WDR64: variants seen among roughly 807,000 people sequenced by gnomAD.
WDR64 encodes the protein WD repeat-containing protein 64.
A neutral mutation model predicts 139.3 loss-of-function variants in WDR64; 112 were observed. The observed-to-expected ratio is 0.80, with a 90% CI of 0.69 to 0.94. The LOEUF is 0.94. Among genes scored for constraint, WDR64 ranks in the 40% least tolerant of loss-of-function variants. The probability of loss-of-function intolerance (pLI) is 0.00; values close to 1 mark genes in which losing one functional copy is unlikely to be tolerated. For missense variants in WDR64, 1,206 were observed against 1,293.1 expected (o/e 0.93, Z 1.03); for synonymous variants, 444 against 437.7 (o/e 1.01, Z -0.18).
chr1:241,801,021 T>C (rs1659508393), intron 27 of WDR64, 111 bp from the exon 28 acceptor site: 1 of 804,090 alleles, frequency 1.2e-6, no homozygotes, highest in South Asian at 1.8e-5. Context: ...ATTCATTTTT[T>C]TTCTAGGAGG....
At position 241,757,397 on chromosome 1, in the gene WDR64, A is replaced by G. The variant is rs772080131; in HGVS notation, c.1885A>G (p.Met629Val). The change falls in exon 15 of 28, where the codon ATG (methionine) becomes GTG (valine). Residue 629 changes from methionine (M) to valine (V), a missense_variant. Met to Val is a conservative substitution (Grantham distance 21, BLOSUM62 1). Coordinates refer to ENST00000437684, the MANE Select transcript of WDR64 (RefSeq NM_001367482.1). The stretch of plus-strand genomic sequence containing the variant: ...GAGAATGTCTACTAGAGACAGGAAC[A>G]TGGCTATTCCTTTCCCAGATGTCGA... ...HLRMSTRDRN[M>V]AIPFPDVELI... 3.7e-6 allele frequency: 6 copies of G among 1,613,930 alleles called. No homozygotes were observed. The African/African-American group carries it at 5.3e-5, about 14-fold the overall frequency.
intron 14 of WDR64, among the ~76,000 whole-genome samples, chr1:241,754,320 C>CTTTTTTT (rs71174845): frequency 2.9e-3 from 238 of 81,826 alleles, no homozygotes; most frequent in Non-Finnish European, 3.4e-3. Context: ...TTTTCTTTTT[C>CTTTTTTT]TTTTTTTTTT....
intron 8 of WDR64, among the ~76,000 whole-genome samples, chr1:241,695,570 A>C (rs899032202): frequency 1.1e-4 from 17 of 152,226 alleles, no homozygotes; most frequent in Non-Finnish European, 1.5e-4. Flanking sequence ...AGAAGTTAAG[A>C]AAAGGGAGTA....
chr1:241,654,956 C>A (rs2148047610), intron 1 of WDR64, among the ~76,000 whole-genome samples: 1 of 152,070 alleles, frequency 6.6e-6, no homozygotes, highest in Middle Eastern at 3.4e-3. Context: ...TGTAAATATC[C>A]CAAAATCTGA....
intron 7 of WDR64, 105 bp downstream of exon 7, chr1:241,683,806 A>G (rs1666909732): frequency 1.0e-6 from 1 of 988,298 alleles, no homozygotes; most frequent in Admixed American, 3.0e-5. Context: ...ACAGAAAATA[A>G]GAAATTAAGA....
At chr1:241,675,193 CCCAACTTCCCTCCCTT>C (rs1666485650) in intron 4 of WDR64, among the ~76,000 whole-genome samples, 1 of 68,268 alleles carries the variant, frequency 1.5e-5, no homozygotes, top group Admixed American at 1.5e-4. Flanking sequence ...TTTCCTTCCT[CCCAACTTCCCTCCCTT>C]CCTCCCTCCC....
chr1:241,782,527 A>T (rs1031014796), intron 22 of WDR64, among the ~76,000 whole-genome samples: 4 of 152,020 alleles, frequency 2.6e-5, no homozygotes, highest in Non-Finnish European at 5.9e-5. Context: ...AGTGATAAAG[A>T]GGGAATATAC....
intron 4 of WDR64, chr1:241,677,317 C>T (rs1053725855): frequency 2.5e-6 from 1 of 398,436 alleles, no homozygotes; most frequent in East Asian, 3.6e-5. Flanking sequence ...TTTCTTACAG[C>T]GATGTATTTT....
chr1:241,770,967 A>G (rs1658405659), intron 18 of WDR64, among the ~76,000 whole-genome samples: 1 of 152,204 alleles, frequency 6.6e-6, no homozygotes, highest in Non-Finnish European at 1.5e-5. Context: ...TAAATTATGC[A>G]TGTTATTTTG....
intron 2 of WDR64, among the ~76,000 whole-genome samples, chr1:241,663,059 T>C (rs1665891841): frequency 6.6e-6 from 1 of 152,142 alleles, no homozygotes; most frequent in Admixed American, 6.5e-5. Context: ...ATAATTTCCA[T>C]GAACACCAGC....
Position 241,687,510 on chromosome 1 carries a change from T to C in WDR64, c.889T>C (p.Ser297Pro). ...CTGGGTTATGAAAATTAGATATATT[T>C]CAGCCCTAAATTGTTTTGGATCCTG... The part of the protein sequence containing the change: ...NDWVMKIRYI[S>P]ALNCFGSCSL... The change falls in exon 8 of 28, where the codon TCA becomes CCA. Residue 297 changes from serine to proline, a missense_variant. Physicochemically the swap from Ser to Pro is moderately conservative, Grantham distance 74 (BLOSUM62 -1). Transcript: ENST00000437684. 1 of 1,613,976 alleles carries C rather than the reference T, an allele frequency of 6.2e-7. No homozygotes were observed. Among genetic ancestry groups the C allele is most frequent in the Non-Finnish European group, 8.5e-7 (1 of 1,179,928 alleles).
chr1:241,798,937 T>C (rs1230908997), intron 27 of WDR64, among the ~76,000 whole-genome samples: 1 of 151,938 alleles, frequency 6.6e-6, no homozygotes, highest in Non-Finnish European at 1.5e-5. Context: ...AGTTTAAATG[T>C]AGGAAGAGAA....
At chr1:241,789,377 G>A (rs61827120) in intron 24 of WDR64, among the ~76,000 whole-genome samples, 26,257 of 152,144 alleles carry the variant, frequency 0.17, 2,629 homozygotes, top group African/African-American at 0.26. Flanking sequence ...TCATTACTTG[G>A]TATGTATCCA....
At chr1:241,794,670 A>G (rs1211398652) in intron 25 of WDR64, among the ~76,000 whole-genome samples, 5 of 151,748 alleles carry the variant, frequency 3.3e-5, no homozygotes, top group Non-Finnish European at 7.4e-5. Context: ...CACCACGCCC[A>G]GCTAATTTTT....
chr1:241,770,551 G>A, intron 17 of WDR64, 70 bp from the exon 18 acceptor site: 1 of 1,384,446 alleles, frequency 7.2e-7, no homozygotes, highest in South Asian at 1.3e-5. Context: ...TTAAAGCAGA[G>A]AAGCACACCC....
chr1:241,687,378 A>T, intron 7 of WDR64, 83 bp from the exon 8 acceptor site: 1 of 1,526,566 alleles, frequency 6.6e-7, no homozygotes, highest in Non-Finnish European at 8.9e-7. Flanking sequence ...ATTCAGTTAC[A>T]GTCAAAGTAA....
At chr1:241,671,005 T>G in intron 2 of WDR64, 69 bp from the exon 3 acceptor site, 1,141 of 1,106,398 alleles carry the variant, frequency 1.0e-3, no homozygotes, top group Middle Eastern at 1.6e-3. Flanking sequence ...TCAGCCAACA[T>G]GAGATCTGCT....
At chr1:241,692,478 T>C (rs967489681) in intron 8 of WDR64, among the ~76,000 whole-genome samples, 2 of 152,152 alleles carry the variant, frequency 1.3e-5, no homozygotes, top group African/African-American at 4.8e-5. Context: ...CACATAAATA[T>C]AGTCAACAGA....
chr1:241,653,374 T>C (rs932704191), intron 1 of WDR64, among the ~76,000 whole-genome samples: 1 of 152,180 alleles, frequency 6.6e-6, no homozygotes, highest in Non-Finnish European at 1.5e-5. Flanking sequence ...AATTTGTAAG[T>C]GAAAATCTTG....
Sources: gnomAD v4.1 joint callset for allele counts (sites outside exome capture counted in the v4.1 genomes callset) on GRCh38, gnomAD v4.1.1 for gene constraint, MANE v1.5 for transcripts, NCBI Gene and HGNC (gene_info 2026-07-23, HGNC 2026-07-21) for gene names.